Variants in LHFPL2 observed in about 807,000 individuals in gnomAD.
LHFPL2 encodes the protein LHFPL tetraspan subfamily member 2 protein.
Under a neutral mutation model 17.5 loss-of-function variants are expected in LHFPL2, and 7 were observed. The observed-to-expected ratio is 0.40, with a 90% CI of 0.23 to 0.75. The LOEUF is 0.75. LHFPL2 is among the 30% of genes least tolerant of loss of function. The pLI is 0.37. For synonymous variants in LHFPL2, 134 were observed against 116.2 expected, an observed-to-expected ratio of 1.15 and a Z score of -0.99; for missense variants, 241 against 294.8, an observed-to-expected ratio of 0.82 and a Z score of 1.34.
intron 3 of LHFPL2, among the ~76,000 whole-genome samples, chr5:78,564,318 A>C (rs1187632362): frequency 6.6e-6 from 1 of 152,254 alleles, no homozygotes; most frequent in Non-Finnish European, 1.5e-5. Context: ...TTTATAAATT[A>C]GAACCTGTAG....
intron 4 of LHFPL2, among the ~76,000 whole-genome samples, chr5:78,497,169 G>A (rs1432764420): frequency 1.3e-5 from 2 of 152,152 alleles, no homozygotes; most frequent in East Asian, 3.9e-4. Context: ...TCCTTTCTCA[G>A]AAATCCCAAT....
intron 2 of LHFPL2, among the ~76,000 whole-genome samples, chr5:78,573,583 G>A (rs1757057584): frequency 6.6e-6 from 1 of 152,198 alleles, no homozygotes. Flanking sequence ...TCAACAGAGG[G>A]ACCTGTAAGT....
intron 3 of LHFPL2, among the ~76,000 whole-genome samples, chr5:78,537,202 T>C (rs1037860562): frequency 6.6e-6 from 1 of 152,192 alleles, no homozygotes; most frequent in Non-Finnish European, 1.5e-5. Context: ...CTCTGCTCCC[T>C]GGAGGCCACT....
intron 1 of LHFPL2, among the ~76,000 whole-genome samples, chr5:78,635,523 C>A (rs1019848651): frequency 6.6e-6 from 1 of 152,256 alleles, no homozygotes; most frequent in Non-Finnish European, 1.5e-5. Flanking sequence ...ACAAAACCGG[C>A]CAGGCACAGT....
intron 3 of LHFPL2, among the ~76,000 whole-genome samples, chr5:78,520,794 G>A (rs749697167): frequency 6.6e-6 from 1 of 150,378 alleles, no homozygotes; most frequent in Non-Finnish European, 1.5e-5. Flanking sequence ...TTCCCACTAC[G>A]GTCTTTCGGC....
chr5:78,599,856 C>T (rs543687140), intron 2 of LHFPL2, among the ~76,000 whole-genome samples: 2 of 152,068 alleles, frequency 1.3e-5, no homozygotes, highest in South Asian at 4.2e-4. Context: ...CAAACTATTC[C>T]CCAAATTATT....
At chr5:78,565,304 G>A (rs1756831163) in intron 2 of LHFPL2, among the ~76,000 whole-genome samples, 1 of 152,204 alleles carries the variant, frequency 6.6e-6, no homozygotes, top group African/African-American at 2.4e-5. Context: ...ATCCTTTTCA[G>A]TTACGCTGGT....
chr5:78,604,991 T>C (rs1744162737), intron 2 of LHFPL2, among the ~76,000 whole-genome samples: 1 of 152,250 alleles, frequency 6.6e-6, no homozygotes, highest in South Asian at 2.1e-4. Context: ...CACACTTTAG[T>C]GATTTGCTGA....
rs550011882 is a variant in LHFPL2 at position 78,585,298 on chromosome 5, C to G, written c.-244-20427G>C. On this transcript the variant is annotated intron_variant, in intron 2 of 4. Transcript: ENST00000380345. ...CTGGGATTACAGGCGTGAGCCACCG[C>G]GCCCGGCCTGGTGCGCTGTTTTTTA... 9.1e-5 allele frequency among the ~76,000 whole-genome samples: 6 copies of G among 65,702 alleles called. 1 individual carries two copies. In the East Asian group the frequency reaches 1.3e-3, roughly 14 times the overall value. The allele number at this position is 65,702 out of a possible 152,430, so 43.1% of individuals were successfully genotyped here. A position where few individuals can be genotyped will look rare whatever the true frequency, so the allele number is the denominator to read the frequency against.
chr5:78,490,840 G>A (rs1466785158), intron 4 of LHFPL2, among the ~76,000 whole-genome samples: 2 of 151,230 alleles, frequency 1.3e-5, no homozygotes, highest in Non-Finnish European at 2.9e-5. Flanking sequence ...CAAGAATGCT[G>A]TATCATAATC....
chr5:78,585,001 T>G (rs1243849903), intron 2 of LHFPL2, among the ~76,000 whole-genome samples: 2 of 48,898 alleles, frequency 4.1e-5, no homozygotes, highest in South Asian at 5.8e-4. Context: ...CTGTGTTTTT[T>G]TTTTTTTTTT....
intron 3 of LHFPL2, among the ~76,000 whole-genome samples, chr5:78,513,048 C>A (rs1294062808): frequency 1.3e-5 from 2 of 152,160 alleles, no homozygotes; most frequent in Non-Finnish European, 2.9e-5. Context: ...TGCAACCACC[C>A]CTGCCTGAAT....
At chr5:78,596,062 TA>T (rs570755155) in intron 2 of LHFPL2, among the ~76,000 whole-genome samples, 1 of 152,136 alleles carries the variant, frequency 6.6e-6, no homozygotes, top group Admixed American at 6.5e-5. Context: ...TTTCATCAGT[TA>T]AAAAAAGCAG....
intron 4 of LHFPL2, among the ~76,000 whole-genome samples, chr5:78,500,995 G>A (rs1434366338): frequency 6.6e-6 from 1 of 152,174 alleles, no homozygotes; most frequent in East Asian, 1.9e-4. Context: ...GCCTGTCAGC[G>A]AACATACATT....
At chr5:78,529,690 C>CATGAGAGA (rs1232993724) in intron 3 of LHFPL2, among the ~76,000 whole-genome samples, 4 of 151,816 alleles carry the variant, frequency 2.6e-5, no homozygotes, top group Non-Finnish European at 5.9e-5. Context: ...GAAAGCATTA[C>CATGAGAGA]ATGACGAGAC....
intron 2 of LHFPL2, among the ~76,000 whole-genome samples, chr5:78,619,703 C>T (rs1358087481): frequency 2.2e-5 from 3 of 135,228 alleles, no homozygotes; most frequent in Non-Finnish European, 4.7e-5. Flanking sequence ...TTCCTGTGTC[C>T]GTCCATGTGT....
intron 3 of LHFPL2, among the ~76,000 whole-genome samples, chr5:78,515,885 C>A (rs1000538062): frequency 1.3e-5 from 2 of 152,208 alleles, no homozygotes; most frequent in East Asian, 1.9e-4. Context: ...ACAGACCCAG[C>A]AGCCAGACCA....
intron 2 of LHFPL2, among the ~76,000 whole-genome samples, chr5:78,575,853 A>G (rs964952402): frequency 3.9e-5 from 6 of 152,196 alleles, no homozygotes; most frequent in Admixed American, 2.6e-4. Flanking sequence ...CAATTTCAAG[A>G]AGTAGAGTCG....
At chr5:78,518,700 T>TC (rs1755359817) in intron 3 of LHFPL2, among the ~76,000 whole-genome samples, 1 of 152,198 alleles carries the variant, frequency 6.6e-6, no homozygotes, top group South Asian at 2.1e-4. Context: ...TGAGTGTTCC[T>TC]CGCTGCAGCC....
Sources: allele counts gnomAD v4.1 joint callset (sites outside exome capture counted in the v4.1 genomes callset), GRCh38; gene constraint gnomAD v4.1.1; transcripts MANE v1.5; gene names NCBI Gene and HGNC (gene_info 2026-07-23, HGNC 2026-07-21).